Variants in MARCHF2 observed in about 807,000 individuals in gnomAD.
MARCHF2 encodes the protein E3 ubiquitin-protein ligase MARCHF2.
MARCHF2 carries 22 observed loss-of-function variants against 24.0 expected under a neutral mutation model. The ratio of observed to expected loss-of-function variants is 0.92; its 90% CI spans 0.66 to 1.31. MARCHF2 has a LOEUF of 1.31. Ranked by LOEUF, MARCHF2 falls within the 50% of genes most tolerant of loss-of-function variation. The pLI, the probability that MARCHF2 is intolerant of heterozygous loss-of-function variation, is 0.00. For missense variants in MARCHF2, 301 were observed against 335.3 expected, an observed-to-expected ratio of 0.90 and a Z score of 0.80; for synonymous variants, 154 against 153.0, an observed-to-expected ratio of 1.01 and a Z score of -0.05.
chr19:8,430,343 A>G lies in MARCHF2; in HGVS notation c.373-315A>G, dbSNP rs1967544092. On this transcript the variant is annotated intron_variant, in intron 3 of 4. Transcript: ENST00000215555. The surrounding 1 kb of genome is among the most constrained non-coding windows in gnomAD (Gnocchi z 4.4). ...GTGCCACGGCACTCCAGCCTGGCTG[A>G]CAGAGCGAGACTCTGTCTCAAAAAA... 6.6e-6 allele frequency among the ~76,000 whole-genome samples: 1 copy of G among 151,922 alleles called. No individual in the cohort carries two copies. Among genetic ancestry groups the G allele is most frequent in the South Asian group, 2.1e-4 (1 of 4,812 alleles).
At chr19:8,416,614 G>T (rs962821218) in intron 1 of MARCHF2, among the ~76,000 whole-genome samples, 1 of 152,162 alleles carries the variant, frequency 6.6e-6, no homozygotes, top group Non-Finnish European at 1.5e-5. Context: ...CTGTGGCCCA[G>T]GCTGGAGTGC....
At chr19:8,433,288 A>G (rs1398978120) in intron 4 of MARCHF2, among the ~76,000 whole-genome samples, 2 of 152,180 alleles carry the variant, frequency 1.3e-5, no homozygotes, top group Non-Finnish European at 1.5e-5. Flanking sequence ...CATGCCTGTA[A>G]TCCCAGCACT....
chr19:8,423,030 T>A (rs866265710), intron 2 of MARCHF2, among the ~76,000 whole-genome samples: 7 of 9,220 alleles, frequency 7.6e-4, no homozygotes, highest in African/African-American at 3.1e-3. Flanking sequence ...AGGCTTTTTT[T>A]TTCCTCTCTT....
chr19:8,425,866 T>C (rs10406499), intron 2 of MARCHF2, among the ~76,000 whole-genome samples: 113,752 of 151,028 alleles, frequency 0.75, 43,123 homozygotes, highest in African/African-American at 0.81. Flanking sequence ...CCTCCTGCCT[T>C]GGCCTCCCAA....
At chr19:8,428,568 T>C (rs1306892289) in intron 3 of MARCHF2, among the ~76,000 whole-genome samples, 1 of 139,684 alleles carries the variant, frequency 7.2e-6, no homozygotes, top group East Asian at 2.1e-4. Context: ...GAGAATCACT[T>C]AAAGCTGGGA....
At chr19:8,414,431 G>C (rs1158514844) in intron 1 of MARCHF2, among the ~76,000 whole-genome samples, 1 of 152,014 alleles carries the variant, frequency 6.6e-6, no homozygotes, top group Non-Finnish European at 1.5e-5. Context: ...ACCGTGCCTG[G>C]CCAATTTTTG....
At chr19:8,417,734 G>A (rs1218018125) in intron 1 of MARCHF2, among the ~76,000 whole-genome samples, 3 of 134,742 alleles carry the variant, frequency 2.2e-5, no homozygotes, top group South Asian at 2.4e-4. Flanking sequence ...CACTACGCCC[G>A]GCCAATACCC....
chr19:8,426,515 A>G, intron 2 of MARCHF2, 94 bp from the exon 3 acceptor site: 4 of 982,338 alleles, frequency 4.1e-6, no homozygotes, highest in Admixed American at 4.2e-5. Context: ...AAGTGGCAGC[A>G]TGGGGTAAGG....
chr19:8,417,333 A>G (rs1967109595), intron 1 of MARCHF2, among the ~76,000 whole-genome samples: 1 of 152,146 alleles, frequency 6.6e-6, no homozygotes, highest in Admixed American at 6.6e-5. Context: ...AGTCCCAGCT[A>G]CTCGACAGGC....
chr19:8,425,924 G>C (rs543876278), intron 2 of MARCHF2, among the ~76,000 whole-genome samples: 1 of 151,796 alleles, frequency 6.6e-6, no homozygotes, highest in East Asian at 2.0e-4. Context: ...TGGTCTTTGA[G>C]GATTAAGAGT....
At chr19:8,421,382 C>CTTTTTTTTTTTTTTTTTTTTTTT (rs1254772289) in intron 1 of MARCHF2, among the ~76,000 whole-genome samples, 2 of 111,624 alleles carry the variant, frequency 1.8e-5, no homozygotes, top group Non-Finnish European at 3.6e-5. Context: ...TCTTTCTTTT[C>CTTTTTTTTTTTTTTTTTTTTTTT]TTTTTTTTTT....
rs889188224 is a variant in MARCHF2, at chr19:8,420,014, C to T, written c.-52-1775C>T. On this transcript the variant is annotated intron_variant, in intron 1 of 4. Coordinates refer to ENST00000215555, the MANE Select transcript of MARCHF2 (RefSeq NM_001005415.2). ...TGTACTAAAAATTCAAAAAATTAGC[C>T]GGGTGTGTTGGCGGGCGCCTGTAGT... Among the ~76,000 whole-genome samples, 11 of 149,110 alleles carry T rather than the reference C, an allele frequency of 7.4e-5. No individual in the cohort carries two copies. The East Asian group carries it at 1.2e-3, about 16-fold the overall frequency.
intron 3 of MARCHF2, among the ~76,000 whole-genome samples, chr19:8,427,111 G>A (rs1176446904): frequency 6.6e-6 from 1 of 151,870 alleles, no homozygotes; most frequent in African/African-American, 2.4e-5. Flanking sequence ...GCAGTGGTGC[G>A]ATCTCGGCTC....
intron 2 of MARCHF2, 44 bp from the exon 3 acceptor site, chr19:8,426,565 C>T (rs758791707): frequency 1.3e-6 from 2 of 1,553,442 alleles, no homozygotes; most frequent in Non-Finnish European, 1.8e-6. Flanking sequence ...CAGGTATAGA[C>T]AGAAAGCCCA....
Position 8,428,655 on chromosome 19 carries a change from A to C in MARCHF2, c.372+1851A>C, listed in dbSNP as rs1329256375. Among the ~76,000 whole-genome samples, 30 of 139,874 alleles carry C rather than the reference A, an allele frequency of 2.1e-4. 1 individual carries two copies. Among genetic ancestry groups the C allele is most frequent in the Non-Finnish European group, 3.9e-4 (25 of 63,888 alleles). The allele number at this position is 139,874 out of a possible 152,430, so 91.8% of individuals were successfully genotyped here. A position where few individuals can be genotyped will look rare whatever the true frequency, so the allele number is the denominator to read the frequency against. Reference sequence around the variant, plus strand: ...ACAGATTGAGACTCTATCTCAAAAAAAAAAAAAAAAAAAAAAAAAAAAAAA... The same window carrying C: ...ACAGATTGAGACTCTATCTCAAAAACAAAAAAAAAAAAAAAAAAAAAAAAA... On this transcript the variant is annotated intron_variant, in intron 3 of 4. Coordinates refer to ENST00000215555, the MANE Select transcript of MARCHF2 (RefSeq NM_001005415.2).
rs1967809335 is a variant in MARCHF2, at chr19:8,439,004, CT to C, written c.*459del. The C allele has an allele frequency of 6.5e-6, 1 of 154,366 alleles. No homozygotes were observed. Among genetic ancestry groups the C allele is most frequent in the Admixed American group, 6.4e-5 (1 of 15,560 alleles). The allele number at this position is 154,366 out of a possible 1,614,324, so 9.6% of individuals were successfully genotyped here. On this transcript the variant is annotated 3_prime_UTR_variant, in exon 5 of 5. Transcript: ENST00000215555. ...CACCCCTGAATGAATAAAAGGAGCC[CT>C]GGCTGGACAAAATGGACTTGTCAGT...
In MARCHF2 at chr19:8,426,729, C is replaced by T; in HGVS notation, c.297C>T (p.Ser99=). ...VHKSCLEKWL[S]SSNTSYCELC... is the part of the protein sequence containing the mutation. ...AGAGCTGTCTGGAGAAGTGGCTTTC[C>T]TCATCTAACACCAGCTACTGCGAGC... is the stretch of plus-strand genomic sequence containing the variant. Residue 99 remains serine (S), a synonymous_variant, in exon 3 of 5, where the codon TCC becomes TCT. Transcript: ENST00000215555. 1 of 1,613,152 alleles carries T rather than the reference C, an allele frequency of 6.2e-7. No individual in the cohort carries two copies. The highest frequency in any genetic ancestry group is 8.5e-7 in the Non-Finnish European group (1 of 1,180,026).
intron 1 of MARCHF2, among the ~76,000 whole-genome samples, chr19:8,420,615 T>C (rs1218486884): frequency 1.3e-5 from 2 of 151,760 alleles, no homozygotes; most frequent in Non-Finnish European, 2.9e-5. Context: ...GTCCTGGCCC[T>C]GGAGGCTTTG....
rs1213384303 is a variant in MARCHF2, at chr19:8,426,759, C to T, written c.327C>T (p.Cys109=). 2 of 1,612,576 alleles carry T rather than the reference C, an allele frequency of 1.2e-6. No individual in the cohort carries two copies. The highest frequency in any genetic ancestry group is 2.2e-5 in the South Asian group (2 of 91,014). The part of the protein sequence containing the change: ...SSSNTSYCEL[C]HTEFAVEKRP... ...CTAACACCAGCTACTGCGAGCTGTG[C>T]CACACGGAGTTTGCAGTGGAGAAAC... The change falls in exon 3 of 5, where the codon TGC becomes TGT. Residue 109 remains cysteine, a synonymous_variant. Coordinates refer to ENST00000215555, the MANE Select transcript of MARCHF2 (RefSeq NM_001005415.2).
Sources: allele counts gnomAD v4.1 joint callset (sites outside exome capture counted in the v4.1 genomes callset), GRCh38; gene constraint gnomAD v4.1.1; non-coding constraint Gnocchi (gnomAD v3.1); transcripts MANE v1.5; gene names NCBI Gene and HGNC (gene_info 2026-07-23, HGNC 2026-07-21).